MARCHF4: variants seen among roughly 807,000 people sequenced by gnomAD.
MARCHF4 encodes the protein E3 ubiquitin-protein ligase MARCHF4.
Under a neutral mutation model 43.9 loss-of-function variants are expected in MARCHF4, and 14 were observed. The ratio of observed to expected loss-of-function variants is 0.32; its 90% CI spans 0.21 to 0.50. MARCHF4 has a LOEUF of 0.50. Among genes scored for constraint, MARCHF4 ranks in the 20% least tolerant of loss-of-function variants. The probability of loss-of-function intolerance (pLI) is 0.98; values close to 1 mark genes in which losing one functional copy is unlikely to be tolerated. For missense variants in MARCHF4, 468 were observed against 536.7 expected (o/e 0.87, Z 1.27); for synonymous variants, 226 against 213.3 (o/e 1.06, Z -0.52).
intron 1 of MARCHF4, chr2:216,351,490 C>G (rs1244733416): frequency 2.6e-5 from 4 of 152,346 alleles, no homozygotes; most frequent in Admixed American, 2.6e-4. Flanking sequence ...CACTCCTTCA[C>G]TTGACTAGCC....
rs912245946 is a variant in MARCHF4, at chr2:216,324,704, A to G, written c.517-40975T>C. Among the ~76,000 whole-genome samples, 99 of 146,980 alleles carry G rather than the reference A, an allele frequency of 6.7e-4. 2 individuals carry two copies. The Middle Eastern group carries it at 0.017, about 25-fold the overall frequency. ...GTAATCCAGCATATAAACAGAACCA[A>G]AGACAAAAACCACATGATTATCTCA... On this transcript the variant is annotated intron_variant, in intron 1 of 3. Coordinates refer to ENST00000273067, the MANE Select transcript of MARCHF4 (RefSeq NM_020814.3).
intron 1 of MARCHF4, among the ~76,000 whole-genome samples, chr2:216,328,991 T>C (rs1273062079): frequency 6.6e-6 from 1 of 152,000 alleles, no homozygotes; most frequent in Non-Finnish European, 1.5e-5. Flanking sequence ...TGAGCTGAGA[T>C]TTTGCCTGAG....
At position 216,259,353 on chromosome 2, in the gene MARCHF4, C is replaced by G. The variant is rs1426221697; in HGVS notation, c.1192G>C (p.Gly398Arg). The change falls in exon 4 of 4, where the codon GGC becomes CGC. Residue 398 changes from glycine (G) to arginine (R), a missense_variant. Physicochemically the swap from Gly to Arg is moderately radical, Grantham distance 125. Around this residue, in one of 3 missense-constraint regions of MARCHF4, gnomAD observed 120 missense variants for 127.1 expected, o/e 0.94. Coordinates refer to ENST00000273067, the MANE Select transcript of MARCHF4 (RefSeq NM_020814.3). ...LRPHEQRSPP[G>R]SSRELVMRVT... The stretch of plus-strand genomic sequence containing the variant: ...CTCATGACCAGCTCTCGGCTGCTGC[C>G]TGGGGGACTTCGCTGTTCATGAGGT... 1 of 1,584,706 alleles carries G rather than the reference C, an allele frequency of 6.3e-7. No individual in the cohort carries two copies. The highest frequency in any genetic ancestry group is 8.6e-7 in the Non-Finnish European group (1 of 1,162,620).
intron 1 of MARCHF4, among the ~76,000 whole-genome samples, chr2:216,330,685 A>C (rs1461625562): frequency 6.6e-6 from 1 of 152,178 alleles, no homozygotes; most frequent in East Asian, 1.9e-4. Context: ...GAGTATGTTA[A>C]CTTAAACTAG....
intron 1 of MARCHF4, among the ~76,000 whole-genome samples, chr2:216,292,826 C>T (rs1157269147): frequency 1.3e-5 from 2 of 152,148 alleles, no homozygotes; most frequent in Non-Finnish European, 2.9e-5. Context: ...TGTCTTCTTC[C>T]TTCAGGACAC....
At position 216,265,172 on chromosome 2, in the gene MARCHF4, G is replaced by C. The variant is rs541769912; in HGVS notation, c.866-5493C>G. On this transcript the variant is annotated intron_variant, in intron 3 of 3. Transcript: ENST00000273067. ...GTGAACAGAGGCAGAAAAGTCATAG[G>C]AGGAGAAAATGGGAAATGAGGGGGC... Among the ~76,000 whole-genome samples the C allele has an allele frequency of 5.1e-4, 77 of 152,298 alleles. No homozygotes were observed. The South Asian group carries it at 0.016, about 31-fold the overall frequency.
intron 1 of MARCHF4, among the ~76,000 whole-genome samples, chr2:216,287,564 A>G (rs899860277): frequency 2.1e-5 from 3 of 144,724 alleles, no homozygotes; most frequent in East Asian, 2.1e-4. Flanking sequence ...GGTGAAGAAC[A>G]TGGTTTCATT....
intron 1 of MARCHF4, among the ~76,000 whole-genome samples, chr2:216,316,008 T>C (rs1221711926): frequency 6.6e-6 from 1 of 152,134 alleles, no homozygotes; most frequent in African/African-American, 2.4e-5. Context: ...TCCATCAGGG[T>C]CTTTCTATCC....
Position 216,290,978 on chromosome 2 carries a change from T to C in MARCHF4, c.517-7249A>G, listed in dbSNP as rs539723119. Among the ~76,000 whole-genome samples, 6 of 152,274 alleles carry C rather than the reference T, an allele frequency of 3.9e-5. No homozygotes were observed. The East Asian group carries it at 1.2e-3, about 29-fold the overall frequency. On this transcript the variant is annotated intron_variant, in intron 1 of 3. Coordinates refer to ENST00000273067, the MANE Select transcript of MARCHF4 (RefSeq NM_020814.3). ...ACGTAAGTACTGAGATACATGTTAATCTGGAGTTTAGGGGAAGGTCCAGGC... is the reference window on the plus strand; with the variant it reads ...ACGTAAGTACTGAGATACATGTTAACCTGGAGTTTAGGGGAAGGTCCAGGC...
intron 2 of MARCHF4, among the ~76,000 whole-genome samples, chr2:216,282,168 G>A (rs753372637): frequency 9.2e-5 from 14 of 152,116 alleles, no homozygotes; most frequent in Non-Finnish European, 1.6e-4. Flanking sequence ...GGAACCAGCA[G>A]CAGGGAAAGG....
intron 1 of MARCHF4, among the ~76,000 whole-genome samples, chr2:216,335,860 G>C (rs1286776490): frequency 4.6e-5 from 7 of 152,052 alleles, no homozygotes; most frequent in Non-Finnish European, 8.8e-5. Context: ...TTGAGGTCAG[G>C]AGTTCAAGAC....
chr2:216,263,685 C>A (rs909702089), intron 3 of MARCHF4, among the ~76,000 whole-genome samples: 8 of 152,120 alleles, frequency 5.3e-5, no homozygotes, highest in Admixed American at 2.0e-4. Context: ...ATGGGCCCCA[C>A]CTCCAGACCC....
intron 1 of MARCHF4, among the ~76,000 whole-genome samples, chr2:216,330,185 C>T (rs1692064734): frequency 6.6e-6 from 1 of 151,998 alleles, no homozygotes; most frequent in Non-Finnish European, 1.5e-5. Flanking sequence ...GCATGAAGCA[C>T]TACCAGAGAG....
intron 1 of MARCHF4, among the ~76,000 whole-genome samples, chr2:216,291,762 T>A (rs1474904998): frequency 6.6e-6 from 1 of 152,246 alleles, no homozygotes; most frequent in Non-Finnish European, 1.5e-5. Context: ...CAGTTCTACA[T>A]ACAAACACTT....
intron 1 of MARCHF4, among the ~76,000 whole-genome samples, chr2:216,335,335 G>T (rs1234889533): frequency 6.6e-6 from 1 of 152,168 alleles, no homozygotes; most frequent in Non-Finnish European, 1.5e-5. Context: ...GACTAAAAAT[G>T]GGAATGATAG....
chr2:216,310,338 C>T (rs1454836702), intron 1 of MARCHF4, among the ~76,000 whole-genome samples: 6 of 152,122 alleles, frequency 3.9e-5, no homozygotes, highest in East Asian at 1.9e-4. Context: ...CATAGCTCAC[C>T]GCAGCCTCAA....
intron 3 of MARCHF4, among the ~76,000 whole-genome samples, chr2:216,277,006 G>A (rs1691035803): frequency 6.6e-6 from 1 of 152,034 alleles, no homozygotes; most frequent in Non-Finnish European, 1.5e-5. Flanking sequence ...CCTTTTAAAC[G>A]AAACCTTATC....
intron 1 of MARCHF4, among the ~76,000 whole-genome samples, chr2:216,319,500 C>T (rs773034445): frequency 2.6e-5 from 4 of 152,154 alleles, no homozygotes; most frequent in Non-Finnish European, 5.9e-5. Flanking sequence ...GAATAAGAAA[C>T]TATCCAGGCC....
chr2:216,306,978 TCA>T (rs879532267), intron 1 of MARCHF4, among the ~76,000 whole-genome samples: 34 of 151,122 alleles, frequency 2.2e-4, no homozygotes, highest in Admixed American at 1.5e-3. Context: ...TCTCTCTCTC[TCA>T]CACACACACA....
Sources: gnomAD v4.1 joint callset for allele counts (sites outside exome capture counted in the v4.1 genomes callset) on GRCh38, gnomAD v4.1.1 for gene constraint, gnomAD v4.1.1 regional missense constraint, MANE v1.5 for transcripts, NCBI Gene and HGNC (gene_info 2026-07-23, HGNC 2026-07-21) for gene names.